DYNC2H1: variants seen among roughly 807,000 people sequenced by gnomAD.
DYNC2H1 encodes cytoplasmic dynein 2 heavy chain 1.
A neutral mutation model predicts 570.0 loss-of-function variants in DYNC2H1; 410 were observed. The observed-to-expected ratio is 0.72, with a 90% CI of 0.66 to 0.78. DYNC2H1 has a LOEUF of 0.78. Ranked by LOEUF, DYNC2H1 falls within the 30% of genes least tolerant of loss-of-function variation. The pLI is 0.00. For missense variants in DYNC2H1, 4,865 were observed against 5,046.4 expected (o/e 0.96, Z 1.09); for synonymous variants, 1,688 against 1,677.6 (o/e 1.01, Z -0.15).
At chr11:103,226,548 C>T (rs1863808809) in intron 59 of DYNC2H1, among the ~76,000 whole-genome samples, 1 of 152,066 alleles carries the variant, frequency 6.6e-6, no homozygotes, top group Non-Finnish European at 1.5e-5. Context: ...AACTTGCATC[C>T]CTGGTATGAA....
intron 85 of DYNC2H1, among the ~76,000 whole-genome samples, chr11:103,448,430 C>T (rs530127968): frequency 6.6e-6 from 1 of 152,230 alleles, no homozygotes; most frequent in South Asian, 2.1e-4. Flanking sequence ...CTAGTTCTGA[C>T]ATTTATATTC....
rs1321149154 is a variant in DYNC2H1, at chr11:103,119,348, C to CT, written c.1000-1090dup. 2.3e-3 allele frequency among the ~76,000 whole-genome samples: 349 copies of CT among 150,658 alleles called. 3 individuals carry two copies. Among genetic ancestry groups the CT allele is most frequent in the African/African-American group, 7.9e-3 (324 of 41,046 alleles). ...CATGACTTCAGTGTTTCTTTCTTTC[C>CT]TTTTTTTTTGAGATGGAATCTCGAT... On this transcript the variant is annotated intron_variant, in intron 6 of 88. Coordinates refer to ENST00000375735, the MANE Select transcript of DYNC2H1 (RefSeq NM_001377.3).
intron 55 of DYNC2H1, among the ~76,000 whole-genome samples, chr11:103,219,122 G>T (rs1863489704): frequency 6.6e-6 from 1 of 152,134 alleles, no homozygotes; most frequent in Admixed American, 6.6e-5. Flanking sequence ...TCTGGGCATG[G>T]CAATACATGC....
In DYNC2H1 at chr11:103,201,430, CCATTTAT is replaced by C. The variant is rs1862714435; in HGVS notation, c.8197+1277_8197+1283del. Among the ~76,000 whole-genome samples, 1 of 152,088 alleles carries C rather than the reference CCATTTAT, an allele frequency of 6.6e-6. No individual in the cohort carries two copies. Among genetic ancestry groups the C allele is most frequent in the Non-Finnish European group, 1.5e-5 (1 of 68,016 alleles). On this transcript the variant is annotated intron_variant, in intron 50 of 88. Coordinates refer to ENST00000375735, the MANE Select transcript of DYNC2H1 (RefSeq NM_001377.3). This position sits in a 1 kb window ranked among gnomAD's most constrained non-coding sequence, Gnocchi z 4.8. ...TCTGAGATATAACATGAAGCACTGT[CCATTTAT>C]ATTCCTCAGCATTTCTCACCCCTAA...
Position 103,147,904 on chromosome 11 carries a change from A to C in DYNC2H1, c.2818+17A>C, listed in dbSNP as rs1387449982. The C allele has an allele frequency of 2.7e-6, 4 of 1,494,040 alleles. No individual in the cohort carries two copies. The highest frequency in any genetic ancestry group is 3.7e-6 in the Non-Finnish European group (4 of 1,082,740). The allele number at this position is 1,494,040 out of a possible 1,614,324, so 92.5% of individuals were successfully genotyped here. ...CCATACAGGGTAAATACACATTTTA[A>C]TTTTTATTTTTACTTAATTTGATAT... On this transcript the variant is annotated intron_variant, in intron 19 of 88. Transcript: ENST00000375735.
chr11:103,160,578 G>C (rs1861050445), intron 28 of DYNC2H1, among the ~76,000 whole-genome samples: 2 of 152,014 alleles, frequency 1.3e-5, no homozygotes, highest in Non-Finnish European at 2.9e-5. Flanking sequence ...GTACGTAGTA[G>C]TTGATTAGGT....
At position 103,277,226 on chromosome 11, in the gene DYNC2H1, T is replaced by TA. The variant is rs1852411196; in HGVS notation, c.10696-3121dup. On this transcript the variant is annotated intron_variant, in intron 70 of 88. Coordinates refer to ENST00000375735, the MANE Select transcript of DYNC2H1 (RefSeq NM_001377.3). This position sits in a 1 kb window ranked among gnomAD's most constrained non-coding sequence, Gnocchi z 4.3. ...CTTCACAAATTTATTTGTGCTCATA[T>TA]AGTTATACAAAGTGTGTGTTCAAAT... Among the ~76,000 whole-genome samples, 1 of 152,166 alleles carries TA rather than the reference T, an allele frequency of 6.6e-6. No individual in the cohort carries two copies. The highest frequency in any genetic ancestry group is 2.4e-5 in the African/African-American group (1 of 41,472).
rs200855987 is a variant in DYNC2H1, at chr11:103,189,623, T to A, written c.7293-49T>A. ...GTAACTTAACATTGAAATATTAATT[T>A]GGAATACTGATTTATTTCAGCTTTC... On this transcript the variant is annotated intron_variant, in intron 44 of 88. Coordinates refer to ENST00000375735, the MANE Select transcript of DYNC2H1 (RefSeq NM_001377.3). This position sits in a 1 kb window ranked among gnomAD's most constrained non-coding sequence, Gnocchi z 4.3. 136 of 1,570,986 alleles carry A rather than the reference T, an allele frequency of 8.7e-5. No homozygotes were observed. In the African/African-American group the frequency reaches 1.8e-3, roughly 20 times the overall value.
chr11:103,237,676 A>T (rs12278550), intron 63 of DYNC2H1, among the ~76,000 whole-genome samples: 5,771 of 151,976 alleles, frequency 0.038, 365 homozygotes, highest in African/African-American at 0.13. Context: ...TTCCCTCCCT[A>T]AGGTTTCATA....
At chr11:103,207,021 A>G (rs7131143) in intron 52 of DYNC2H1, among the ~76,000 whole-genome samples, 2,781 of 152,020 alleles carry the variant, frequency 0.018, 83 homozygotes, top group African/African-American at 0.062. Context: ...TCCTGGCTTC[A>G]TGCGATTCTT....
chr11:103,340,819 T>A (rs189784711), intron 82 of DYNC2H1, among the ~76,000 whole-genome samples: 2 of 152,158 alleles, frequency 1.3e-5, no homozygotes, highest in Admixed American at 1.3e-4. Flanking sequence ...GGAGGTGAGG[T>A]AGTTGCTAGA....
chr11:103,282,929 A>G, intron 72 of DYNC2H1, 79 bp from the exon 73 acceptor site: 2 of 1,039,232 alleles, frequency 1.9e-6, no homozygotes, highest in Non-Finnish European at 2.8e-6. Context: ...TCAAAATAAT[A>G]AAATAGCTAA....
intron 86 of DYNC2H1, among the ~76,000 whole-genome samples, chr11:103,455,608 G>C (rs777085817): frequency 2.0e-5 from 3 of 152,118 alleles, no homozygotes; most frequent in Non-Finnish European, 4.4e-5. Flanking sequence ...ATGAATTAAA[G>C]TAAAAATCAG....
chr11:103,364,877 G>A (rs974158517), intron 83 of DYNC2H1, among the ~76,000 whole-genome samples: 1 of 152,148 alleles, frequency 6.6e-6, no homozygotes, highest in Non-Finnish European at 1.5e-5. Flanking sequence ...CCACCCACAG[G>A]CACTGCAGGG....
intron 82 of DYNC2H1, among the ~76,000 whole-genome samples, chr11:103,341,661 T>C (rs1434291383): frequency 6.6e-6 from 1 of 152,222 alleles, no homozygotes; most frequent in African/African-American, 2.4e-5. Flanking sequence ...AATTTTGGTA[T>C]CCTAAATGTC....
intron 22 of DYNC2H1, among the ~76,000 whole-genome samples, chr11:103,153,849 AT>A (rs1403690519): frequency 3.3e-5 from 5 of 152,078 alleles, no homozygotes; most frequent in East Asian, 1.9e-4. Context: ...TGAGAAAAAA[AT>A]AAATCTAGCA....
chr11:103,117,313 T>C (rs1858459850), intron 5 of DYNC2H1, among the ~76,000 whole-genome samples: 1 of 149,124 alleles, frequency 6.7e-6, no homozygotes, highest in African/African-American at 2.4e-5. Context: ...AGTTCTAGGG[T>C]ACATGTGCAC....
chr11:103,471,019 T>A (rs1945367921), intron 88 of DYNC2H1, among the ~76,000 whole-genome samples: 1 of 152,198 alleles, frequency 6.6e-6, no homozygotes, highest in African/African-American at 2.4e-5. Context: ...TGAACTAGTT[T>A]ACAGTCCCAC....
intron 54 of DYNC2H1, among the ~76,000 whole-genome samples, chr11:103,213,579 G>C (rs1863244338): frequency 6.6e-6 from 1 of 151,454 alleles, no homozygotes; most frequent in African/African-American, 2.4e-5. Flanking sequence ...AGGGTGATTA[G>C]TGATGTTGAA....
Sources: allele counts gnomAD v4.1 joint callset (sites outside exome capture counted in the v4.1 genomes callset), GRCh38; gene constraint gnomAD v4.1.1; non-coding constraint Gnocchi (gnomAD v3.1); transcripts MANE v1.5; gene names NCBI Gene and HGNC (gene_info 2026-07-23, HGNC 2026-07-21).